Variants in CAPZA2 observed in about 807,000 individuals in gnomAD.
CAPZA2 encodes F-actin-capping protein subunit alpha-2.
CAPZA2 carries 13 observed loss-of-function variants against 44.0 expected under a neutral mutation model. The observed-to-expected ratio is 0.30, with a 90% CI of 0.19 to 0.47. CAPZA2 has a LOEUF of 0.47. CAPZA2 is among the 20% of genes least tolerant of loss of function. The pLI, the probability that CAPZA2 is intolerant of heterozygous loss-of-function variation, is 1.00. For synonymous variants in CAPZA2, 94 were observed against 108.2 expected (o/e 0.87, Z 0.81); for missense variants, 244 against 338.6 (o/e 0.72, Z 2.19).
intron 1 of CAPZA2, among the ~76,000 whole-genome samples, chr7:116,867,202 T>C (rs1006195378): frequency 3.3e-5 from 5 of 152,256 alleles, no homozygotes; most frequent in Admixed American, 6.5e-5. Flanking sequence ...AAAATTTCAC[T>C]GTACAAACAG....
chr7:116,890,796 A>AC (rs1796836446), intron 2 of CAPZA2, among the ~76,000 whole-genome samples: 1 of 147,532 alleles, frequency 6.8e-6, no homozygotes, highest in South Asian at 2.1e-4. Flanking sequence ...AAAAAAAAAA[A>AC]AAAGAGTTAG....
At chr7:116,893,202 C>T (rs1299575175) in intron 3 of CAPZA2, among the ~76,000 whole-genome samples, 157 bp downstream of exon 3, 1 of 152,120 alleles carries the variant, frequency 6.6e-6, no homozygotes, top group African/African-American at 2.4e-5. Context: ...GCGATCTCGG[C>T]TCACTGCAAC....
At chr7:116,910,799 A>G (rs560129138) in intron 7 of CAPZA2, among the ~76,000 whole-genome samples, 4 of 152,092 alleles carry the variant, frequency 2.6e-5, no homozygotes, top group African/African-American at 9.6e-5. Context: ...AGGTCAGGAG[A>G]TCAAGACCAT....
intron 1 of CAPZA2, among the ~76,000 whole-genome samples, chr7:116,883,232 T>C (rs962371897): frequency 6.6e-6 from 1 of 152,202 alleles, no homozygotes; most frequent in African/African-American, 2.4e-5. Context: ...CATTTGTAAT[T>C]ATTTTCAGAA....
At chr7:116,893,071 T>A in intron 3 of CAPZA2, 26 bp downstream of exon 3, 1 of 1,447,374 alleles carries the variant, frequency 6.9e-7, no homozygotes. Flanking sequence ...CATACTAACC[T>A]AACTAAAATG....
rs1237377615 is a variant in CAPZA2 at position 116,918,082 on chromosome 7, GTCTT to G, written c.*219_*222del. The G allele has an allele frequency of 2.3e-6, 1 of 434,214 alleles. No homozygotes were observed. Among genetic ancestry groups the G allele is most frequent in the Admixed American group, 3.7e-5 (1 of 27,300 alleles). 26.9% of individuals were successfully genotyped at this position (434,214 alleles called of 1,614,324 possible). The stretch of plus-strand genomic sequence containing the variant: ...GATTGAAAATCAGTTTAGTTTAAAT[GTCTT>G]TCTGTTAGGCCTTTCTTTCTTACAA... On this transcript the variant is annotated 3_prime_UTR_variant, in exon 10 of 10. Transcript: ENST00000361183.
intron 1 of CAPZA2, among the ~76,000 whole-genome samples, chr7:116,867,590 T>C (rs1452082994): frequency 2.0e-5 from 3 of 150,914 alleles, no homozygotes; most frequent in Admixed American, 6.6e-5. Context: ...CTCTTTTTTT[T>C]TTTTTTTTTT....
chr7:116,862,725 C>A, intron 1 of CAPZA2, 75 bp downstream of exon 1: 1 of 1,463,320 alleles, frequency 6.8e-7, no homozygotes, highest in South Asian at 1.3e-5. Context: ...GGAGTCTGGT[C>A]GCGGGGGAAG....
At chr7:116,870,326 C>T (rs1390202280) in intron 1 of CAPZA2, among the ~76,000 whole-genome samples, 1 of 152,080 alleles carries the variant, frequency 6.6e-6, no homozygotes, top group Non-Finnish European at 1.5e-5. Context: ...TACCAGAGAG[C>T]ACAACATAGG....
At chr7:116,893,957 C>T (rs935917783) in intron 3 of CAPZA2, among the ~76,000 whole-genome samples, 4 of 152,146 alleles carry the variant, frequency 2.6e-5, no homozygotes, top group Non-Finnish European at 4.4e-5. Flanking sequence ...TTAGGCTTAC[C>T]GATTCTACTA....
intron 6 of CAPZA2, among the ~76,000 whole-genome samples, chr7:116,908,922 G>T (rs139286178): frequency 1.6e-4 from 25 of 152,218 alleles, no homozygotes; most frequent in Middle Eastern, 3.4e-3. Context: ...AATATTCAGT[G>T]TAACTGTAAG....
chr7:116,915,107 G>A (rs961299932), intron 8 of CAPZA2, among the ~76,000 whole-genome samples: 2 of 151,902 alleles, frequency 1.3e-5, no homozygotes, highest in African/African-American at 2.4e-5. Flanking sequence ...ACGAAACCTC[G>A]TCTCTACTAA....
At chr7:116,909,550 T>TGTGG (rs1239038045) in intron 6 of CAPZA2, among the ~76,000 whole-genome samples, 3 of 151,946 alleles carry the variant, frequency 2.0e-5, no homozygotes, top group Non-Finnish European at 4.4e-5. Flanking sequence ...ATGCCTTTTA[T>TGTGG]GTGGAGACTT....
chr7:116,862,725 C>G (rs1796432824), intron 1 of CAPZA2, 75 bp downstream of exon 1: 14 of 1,463,334 alleles, frequency 9.6e-6, no homozygotes, highest in Admixed American at 6.5e-5. Flanking sequence ...GGAGTCTGGT[C>G]GCGGGGGAAG....
rs953522714 is a variant in CAPZA2 at position 116,921,198 on chromosome 7, A to G, written c.*3331A>G. 6.6e-6 allele frequency: 1 copy of G among 152,196 alleles called. No individual in the cohort carries two copies. The highest frequency in any genetic ancestry group is 2.4e-5 in the African/African-American group (1 of 41,392). 9.4% of individuals were successfully genotyped at this position (152,196 alleles called of 1,614,324 possible). On this transcript the variant is annotated 3_prime_UTR_variant, in exon 10 of 10. Coordinates refer to ENST00000361183, the MANE Select transcript of CAPZA2 (RefSeq NM_006136.3). ...CCAGAGATCAAGACCATCCTGGCCAATATGGTGCAACCCCATCTCTACTAA... is the reference window on the plus strand; with the variant it reads ...CCAGAGATCAAGACCATCCTGGCCAGTATGGTGCAACCCCATCTCTACTAA...
intron 1 of CAPZA2, among the ~76,000 whole-genome samples, chr7:116,880,738 A>G (rs1485185688): frequency 4.6e-5 from 1 of 21,572 alleles, no homozygotes; most frequent in Admixed American, 6.8e-4. Context: ...TTTTTTTGAG[A>G]CAGTCTTGCT....
chr7:116,879,395 T>G (rs1213476756), intron 1 of CAPZA2, among the ~76,000 whole-genome samples: 1 of 152,122 alleles, frequency 6.6e-6, no homozygotes, highest in Non-Finnish European at 1.5e-5. Context: ...AAATTAACAA[T>G]CTATCTACAG....
intron 5 of CAPZA2, 30 bp from the exon 6 acceptor site, chr7:116,906,233 A>G: frequency 6.2e-7 from 1 of 1,602,112 alleles, no homozygotes; most frequent in Non-Finnish European, 8.5e-7. Context: ...CCCTAAATTC[A>G]TTCTTATGCT....
chr7:116,866,733 C>G (rs1177917977), intron 1 of CAPZA2, among the ~76,000 whole-genome samples: 1 of 152,224 alleles, frequency 6.6e-6, no homozygotes, highest in Non-Finnish European at 1.5e-5. Context: ...TTACAATAAT[C>G]TGTCCCATAG....
Sources: gnomAD v4.1 joint callset for allele counts (sites outside exome capture counted in the v4.1 genomes callset) on GRCh38, gnomAD v4.1.1 for gene constraint, MANE v1.5 for transcripts, NCBI Gene and HGNC (gene_info 2026-07-23, HGNC 2026-07-21) for gene names.